FAR1: variants seen among roughly 807,000 people sequenced by gnomAD.
The protein encoded by FAR1 is fatty acyl-CoA reductase 1.
Under a neutral mutation model 61.1 loss-of-function variants are expected in FAR1, and 22 were observed. The observed-to-expected ratio is 0.36, with a 90% CI of 0.26 to 0.51. The LOEUF is 0.51. Among genes scored for constraint, FAR1 ranks in the 20% least tolerant of loss-of-function variants. FAR1 has a pLI of 0.95. For missense variants in FAR1, 359 were observed against 626.9 expected (o/e 0.57, Z 4.56); for synonymous variants, 206 against 209.7 (o/e 0.98, Z 0.15).
At chr11:13,724,633 T>C (rs1004371233) in intron 10 of FAR1, among the ~76,000 whole-genome samples, 3 of 152,096 alleles carry the variant, frequency 2.0e-5, no homozygotes, top group African/African-American at 7.2e-5. Context: ...GCCAGCTTCC[T>C]TTCTCTTCCC....
chr11:13,690,165 C>T (rs1319316518), intron 1 of FAR1, among the ~76,000 whole-genome samples: 1 of 152,160 alleles, frequency 6.6e-6, no homozygotes, highest in Non-Finnish European at 1.5e-5. Flanking sequence ...GTGTGAACCA[C>T]CGCGCCTGGC....
At chr11:13,724,333 C>G (rs1027171226) in intron 10 of FAR1, among the ~76,000 whole-genome samples, 1 of 151,590 alleles carries the variant, frequency 6.6e-6, no homozygotes, top group Admixed American at 6.6e-5. Context: ...ATAACTTGAG[C>G]TCAGGAGTTC....
rs1437945875 is a variant in FAR1, at chr11:13,711,807, C to T, written c.767C>T (p.Ala256Val). The T allele has an allele frequency of 2.5e-6, 4 of 1,598,508 alleles. No individual in the cohort carries two copies. The highest frequency in any genetic ancestry group is 3.4e-6 in the Non-Finnish European group (4 of 1,173,048). The change falls in exon 6 of 12, where the codon GCG (alanine) becomes GTG (valine). Residue 256 changes from alanine to valine, a missense_variant and splice_region_variant. By Grantham distance (64) the Ala-to-Val change is moderately conservative. Around this residue, in one of 2 missense-constraint regions of FAR1, gnomAD observed 344 missense variants for 570.3 expected, o/e 0.60. Coordinates refer to ENST00000354817, the MANE Select transcript of FAR1 (RefSeq NM_032228.6). ...AATGGACCAAGTGGTCTCTTTATTG[C>T]GGTAAGTAAACCTTTTGATTTATTT... ...NFNGPSGLFI[A>V]AGKGILRTIR...
intron 8 of FAR1, among the ~76,000 whole-genome samples, chr11:13,713,433 A>G (rs967874934): frequency 6.6e-6 from 1 of 152,132 alleles, no homozygotes; most frequent in East Asian, 1.9e-4. Flanking sequence ...TACCCAGAGT[A>G]ATAAATGAAG....
chr11:13,677,994 G>T (rs187719341), intron 1 of FAR1, among the ~76,000 whole-genome samples: 127 of 152,268 alleles, frequency 8.3e-4, no homozygotes, highest in African/African-American at 2.9e-3. Flanking sequence ...TTAATTAAAA[G>T]GCAAGAATAA....
chr11:13,679,719 T>TAAA (rs1848104506), intron 1 of FAR1, among the ~76,000 whole-genome samples: 1 of 152,256 alleles, frequency 6.6e-6, no homozygotes, highest in Admixed American at 6.5e-5. Flanking sequence ...AATTTGACTT[T>TAAA]TTAAAGGTGT....
chr11:13,719,548 C>T (rs1848588162), intron 9 of FAR1, among the ~76,000 whole-genome samples: 1 of 152,124 alleles, frequency 6.6e-6, no homozygotes. Context: ...GCTAGATAAG[C>T]ATCTGACCTG....
chr11:13,688,058 C>A (rs1487376767), intron 1 of FAR1, among the ~76,000 whole-genome samples: 1 of 151,586 alleles, frequency 6.6e-6, no homozygotes, highest in Non-Finnish European at 1.5e-5. Flanking sequence ...ATGTAACAAA[C>A]CTGCACATTG....
At position 13,700,408 on chromosome 11, in the gene FAR1, G is replaced by A; in HGVS notation, c.281G>A (p.Ser94Asn). The A allele has an allele frequency of 3.1e-6, 5 of 1,601,542 alleles. No individual in the cohort carries two copies. Among genetic ancestry groups the A allele is most frequent in the Non-Finnish European group, 4.3e-6 (5 of 1,175,502 alleles). ...CTCACCCAACCTAAACTGGCTCTCAGTGAAGAAGATAAAGAGGTGATCATA... is the reference window on the plus strand; with the variant it reads ...CTCACCCAACCTAAACTGGCTCTCAATGAAGAAGATAAAGAGGTGATCATA... ...SELTQPKLAL[S>N]EEDKEVIIDS... Residue 94 changes from serine to asparagine, a missense_variant, in exon 3 of 12, where the codon AGT becomes AAT. Ser to Asn is a conservative substitution (Grantham distance 46, BLOSUM62 1). Coordinates refer to ENST00000354817, the MANE Select transcript of FAR1 (RefSeq NM_032228.6).
At position 13,711,797 on chromosome 11, in the gene FAR1, C is replaced by G. The variant is rs1848501301; in HGVS notation, c.757C>G (p.Leu253Val). The G allele has an allele frequency of 6.3e-7, 1 of 1,599,814 alleles. No homozygotes were observed. Among genetic ancestry groups the G allele is most frequent in the Non-Finnish European group, 8.5e-7 (1 of 1,174,996 alleles). The change falls in exon 6 of 12, where the codon CTC becomes GTC. Residue 253 changes from leucine to valine, a missense_variant. This residue lies in a region of FAR1 where 344 missense variants were observed against 570.3 expected (regional missense o/e 0.60). Transcript: ENST00000354817. ...TGATAACTTTAATGGACCAAGTGGT[C>G]TCTTTATTGCGGTAAGTAAACCTTT... ...WIDNFNGPSGLFIAAGKGILR... is the reference protein window; with the variant it reads ...WIDNFNGPSGVFIAAGKGILR...
chr11:13,722,858 C>CTCTCTCTATATA (rs905924337), intron 10 of FAR1, among the ~76,000 whole-genome samples: 21 of 147,868 alleles, frequency 1.4e-4, no homozygotes, highest in African/African-American at 4.8e-4. Flanking sequence ...CTCTCTCTCT[C>CTCTCTCTATATA]TATATATATA....
At chr11:13,671,330 T>C (rs1848001445) in intron 1 of FAR1, among the ~76,000 whole-genome samples, 1 of 152,174 alleles carries the variant, frequency 6.6e-6, no homozygotes. Context: ...AAAATGGTTT[T>C]TAAGGATGAT....
At chr11:13,680,107 T>C (rs1848110936) in intron 1 of FAR1, among the ~76,000 whole-genome samples, 1 of 152,236 alleles carries the variant, frequency 6.6e-6, no homozygotes, top group Non-Finnish European at 1.5e-5. Flanking sequence ...ATGCTACAGC[T>C]GATCTTTATT....
At chr11:13,716,860 T>C (rs2134195791) in intron 9 of FAR1, among the ~76,000 whole-genome samples, 1 of 152,224 alleles carries the variant, frequency 6.6e-6, no homozygotes, top group Non-Finnish European at 1.5e-5. Flanking sequence ...GTTACATATG[T>C]ATACTTGTGC....
At chr11:13,678,365 T>G (rs1005840048) in intron 1 of FAR1, among the ~76,000 whole-genome samples, 18 of 152,132 alleles carry the variant, frequency 1.2e-4, no homozygotes, top group Admixed American at 6.5e-5. Flanking sequence ...CCTGGGTTCA[T>G]GCCATTCTCC....
intron 1 of FAR1, among the ~76,000 whole-genome samples, chr11:13,676,436 A>C (rs1421441855): frequency 1.3e-5 from 2 of 152,124 alleles, no homozygotes; most frequent in Non-Finnish European, 2.9e-5. Context: ...TTAGGCAGTT[A>C]AGATCTGTGG....
At chr11:13,693,140 A>T (rs190926834) in intron 1 of FAR1, among the ~76,000 whole-genome samples, 5 of 152,272 alleles carry the variant, frequency 3.3e-5, no homozygotes, top group Admixed American at 1.3e-4. Context: ...TTGGAAGAAG[A>T]ATTATCTTGG....
intron 3 of FAR1, among the ~76,000 whole-genome samples, chr11:13,701,359 T>C (rs1211062191): frequency 6.6e-6 from 1 of 152,128 alleles, no homozygotes; most frequent in African/African-American, 2.4e-5. Flanking sequence ...CTATACATTG[T>C]ACGCATCAAA....
At position 13,714,371 on chromosome 11, in the gene FAR1, T is replaced by G. The variant is rs181832956; in HGVS notation, c.956-138T>G. ...CCATATTCTCTTAGCTACTAGAGAG[T>G]AGAAAAGTTTGTTTTTTAAATGTAC... is the stretch of plus-strand genomic sequence containing the variant. On this transcript the variant is annotated intron_variant, in intron 8 of 11. Transcript: ENST00000354817. 66 of 752,562 alleles carry G rather than the reference T, an allele frequency of 8.8e-5. 1 individual carries two copies. In the Admixed American group the frequency reaches 1.6e-3, roughly 18 times the overall value. The allele number at this position is 752,562 out of a possible 1,614,324, so 46.6% of individuals were successfully genotyped here.
Sources: allele counts gnomAD v4.1 joint callset (sites outside exome capture counted in the v4.1 genomes callset), GRCh38; gene constraint gnomAD v4.1.1; regional missense constraint gnomAD v4.1.1; transcripts MANE v1.5; gene names NCBI Gene and HGNC (gene_info 2026-07-23, HGNC 2026-07-21).